GLYATL3: variants seen among roughly 807,000 people sequenced by gnomAD.
GLYATL3 encodes the protein glycine N-acyltransferase-like protein 3.
GLYATL3 carries 31 observed loss-of-function variants against 28.5 expected under a neutral mutation model. The observed-to-expected ratio is 1.09, with a 90% CI of 0.82 to 1.47. GLYATL3 has a LOEUF of 1.47. GLYATL3 is among the 40% of genes most tolerant of loss of function. The pLI is 0.00. For synonymous variants in GLYATL3, 141 were observed against 140.2 expected, an observed-to-expected ratio of 1.01 and a Z score of -0.04; for missense variants, 369 against 351.5, an observed-to-expected ratio of 1.05 and a Z score of -0.40.
chr6:49,509,948 CTCTT>C (rs71540239), intron 1 of GLYATL3, among the ~76,000 whole-genome samples: 11,926 of 99,372 alleles, frequency 0.12, 532 homozygotes, highest in African/African-American at 0.15. Context: ...TATTTTCTTT[CTCTT>C]TCTTTCTTTC....
chr6:49,501,728 T>C (rs376573634), intron 1 of GLYATL3, among the ~76,000 whole-genome samples: 1 of 152,164 alleles, frequency 6.6e-6, no homozygotes, highest in East Asian at 1.9e-4. Flanking sequence ...GCTAGACAAC[T>C]AGTTAGACCA....
intron 5 of GLYATL3, 57 bp from the exon 6 acceptor site, chr6:49,526,431 T>C: frequency 7.0e-6 from 10 of 1,420,116 alleles, no homozygotes; most frequent in Non-Finnish European, 9.6e-6. Context: ...AAATGTGTAG[T>C]TATGTATAAC....
chr6:49,512,280 C>CTT (rs1769136525), intron 2 of GLYATL3, among the ~76,000 whole-genome samples: 1 of 111,378 alleles, frequency 9.0e-6, no homozygotes. Flanking sequence ...TTTTTTTTTT[C>CTT]TTTCTTTTTT....
intron 1 of GLYATL3, among the ~76,000 whole-genome samples, chr6:49,511,620 A>G (rs1034450787): frequency 2.0e-5 from 3 of 152,198 alleles, no homozygotes; most frequent in African/African-American, 7.2e-5. Context: ...CATACAGCTT[A>G]TAGGTTACTC....
Position 49,512,011 on chromosome 6 carries a change from T to C in GLYATL3, c.21T>C (p.Ser7=). The C allele has an allele frequency of 1.3e-6, 2 of 1,503,546 alleles. No homozygotes were observed. Among genetic ancestry groups the C allele is most frequent in the Non-Finnish European group, 1.8e-6 (2 of 1,106,160 alleles). 93.1% of individuals were successfully genotyped at this position (1,503,546 alleles called of 1,614,324 possible). The change falls in exon 2 of 6, where the codon TCT becomes TCC. Residue 7 remains serine (S), a synonymous_variant. Coordinates refer to ENST00000371197, the MANE Select transcript of GLYATL3 (RefSeq NM_001010904.2). The part of the protein sequence containing the change: MLVLNC[S]TKLLILEKML... ...AAAAGATGTTGGTGCTAAACTGTTC[T>C]ACCAAATTACTGATACTGGAGAAAA...
intron 5 of GLYATL3, among the ~76,000 whole-genome samples, chr6:49,522,008 T>C (rs1769325185): frequency 2.0e-5 from 3 of 152,186 alleles, no homozygotes; most frequent in Admixed American, 6.5e-5. Context: ...TCCATAGTTA[T>C]AAATGAACTC....
At chr6:49,500,172 G>T (rs1050262526) in intron 1 of GLYATL3, 130 bp downstream of exon 1, 1 of 152,080 alleles carries the variant, frequency 6.6e-6, no homozygotes, top group Non-Finnish European at 1.5e-5. Flanking sequence ...AGGTTTCAAG[G>T]AAAGATATAT....
chr6:49,524,510 T>C (rs1769369018), intron 5 of GLYATL3, among the ~76,000 whole-genome samples: 1 of 152,304 alleles, frequency 6.6e-6, no homozygotes, highest in East Asian at 1.9e-4. Context: ...TTTTGAGAAA[T>C]TGCAGCAATT....
intron 5 of GLYATL3, among the ~76,000 whole-genome samples, chr6:49,525,693 G>T (rs753267848): frequency 4.0e-5 from 6 of 151,502 alleles, no homozygotes; most frequent in Non-Finnish European, 8.8e-5. Flanking sequence ...GATTTTATAC[G>T]CCAGACACAG....
At chr6:49,524,968 CAAAAAAAAAAA>C (rs911424000) in intron 5 of GLYATL3, among the ~76,000 whole-genome samples, 4 of 43,690 alleles carry the variant, frequency 9.2e-5, no homozygotes, top group South Asian at 1.7e-3. Flanking sequence ...GACTCCCTCT[CAAAAAAAAAAA>C]AAAAAAAAAA....
chr6:49,526,034 T>C (rs1411567052), intron 5 of GLYATL3, among the ~76,000 whole-genome samples: 1 of 152,162 alleles, frequency 6.6e-6, no homozygotes, highest in African/African-American at 2.4e-5. Context: ...CGGAAAGGTG[T>C]TGGTAAATCG....
chr6:49,512,211 C>G, intron 2 of GLYATL3, 143 bp downstream of exon 2: 2 of 448,964 alleles, frequency 4.5e-6, no homozygotes, highest in Non-Finnish European at 7.8e-6. Context: ...CCAGCTCCCT[C>G]CTGCTAGAGA....
chr6:49,525,128 G>A (rs1457379328), intron 5 of GLYATL3, among the ~76,000 whole-genome samples: 1 of 146,168 alleles, frequency 6.8e-6, no homozygotes, highest in Admixed American at 6.9e-5. Context: ...AAAGATTAGG[G>A]CTTCAAGAAT....
At chr6:49,515,622 G>T in intron 2 of GLYATL3, 31 bp from the exon 3 acceptor site, 7 of 1,257,390 alleles carry the variant, frequency 5.6e-6, no homozygotes, top group Non-Finnish European at 8.0e-6. Context: ...CTAATAGTAT[G>T]ATTGGCTTGT....
At chr6:49,507,330 G>A (rs1769028543) in intron 1 of GLYATL3, among the ~76,000 whole-genome samples, 1 of 152,170 alleles carries the variant, frequency 6.6e-6, no homozygotes, top group Non-Finnish European at 1.5e-5. Flanking sequence ...TCATGAGCTG[G>A]TGGAGAGTGG....
chr6:49,508,803 C>T (rs911824211), intron 1 of GLYATL3, among the ~76,000 whole-genome samples: 2 of 152,066 alleles, frequency 1.3e-5, no homozygotes, highest in Non-Finnish European at 2.9e-5. Context: ...AGCATTTCAT[C>T]TTTTGTTCCA....
intron 1 of GLYATL3, among the ~76,000 whole-genome samples, chr6:49,504,430 C>A (rs1010156121): frequency 3.3e-5 from 5 of 151,882 alleles, no homozygotes; most frequent in African/African-American, 7.3e-5. Context: ...TAAAATAGAG[C>A]CTTTTGACCG....
chr6:49,501,979 G>A (rs1768921838), intron 1 of GLYATL3, among the ~76,000 whole-genome samples: 1 of 152,204 alleles, frequency 6.6e-6, no homozygotes, highest in Non-Finnish European at 1.5e-5. Flanking sequence ...TGTCTGCAGG[G>A]GGAAGCACAT....
Position 49,527,947 on chromosome 6 carries a change from T to C in GLYATL3, c.*1033T>C, listed in dbSNP as rs1769453314. ...AATAAATGACTTTTTCAAGATTATA[T>C]TCTTTATAATCAGTACTGGAGGCAA... On this transcript the variant is annotated 3_prime_UTR_variant, in exon 6 of 6. Coordinates refer to ENST00000371197, the MANE Select transcript of GLYATL3 (RefSeq NM_001010904.2). Among the ~76,000 whole-genome samples the C allele has an allele frequency of 1.3e-5, 2 of 152,220 alleles. No homozygotes were observed. The highest frequency in any genetic ancestry group is 4.1e-4 in the South Asian group (2 of 4,828).
Sources: gnomAD v4.1 joint callset for allele counts (sites outside exome capture counted in the v4.1 genomes callset) on GRCh38, gnomAD v4.1.1 for gene constraint, MANE v1.5 for transcripts, NCBI Gene and HGNC (gene_info 2026-07-23, HGNC 2026-07-21) for gene names.